Variants in GABRB2 observed in about 807,000 individuals in gnomAD.
GABRB2 encodes gamma-aminobutyric acid receptor subunit beta-2.
A neutral mutation model predicts 54.7 loss-of-function variants in GABRB2; 16 were observed. The observed-to-expected ratio is 0.29, with a 90% CI of 0.20 to 0.44. The LOEUF (loss-of-function observed/expected upper bound fraction) is 0.44. Ranked by LOEUF, GABRB2 falls within the 20% of genes least tolerant of loss-of-function variation. The pLI, the probability that GABRB2 is intolerant of heterozygous loss-of-function variation, is 1.00. For missense variants in GABRB2, 355 were observed against 644.0 expected (o/e 0.55, Z 4.86); for synonymous variants, 244 against 233.8 (o/e 1.04, Z -0.40).
intron 3 of GABRB2, among the ~76,000 whole-genome samples, chr5:161,540,642 T>A (rs899423664): frequency 6.6e-6 from 1 of 151,832 alleles, no homozygotes; most frequent in Non-Finnish European, 1.5e-5. Flanking sequence ...CCTTACTAAT[T>A]GTACTTCTTA....
intron 4 of GABRB2, among the ~76,000 whole-genome samples, chr5:161,443,252 T>A (rs965778132): frequency 6.6e-6 from 1 of 152,220 alleles, no homozygotes; most frequent in Admixed American, 6.5e-5. Flanking sequence ...AAGGATAAAA[T>A]AGCTTTTTGT....
intron 3 of GABRB2, among the ~76,000 whole-genome samples, chr5:161,463,582 T>TAGATATAG (rs1561659580): frequency 8.2e-6 from 1 of 121,800 alleles, no homozygotes; most frequent in Non-Finnish European, 1.8e-5. Flanking sequence ...TATATATATA[T>TAGATATAG]ATATATATAT....
chr5:161,405,330 A>C (rs780841687), intron 5 of GABRB2, among the ~76,000 whole-genome samples: 63 of 152,062 alleles, frequency 4.1e-4, no homozygotes, highest in Non-Finnish European at 7.4e-5. Context: ...ACAGTATTCC[A>C]GCAGTAATTT....
chr5:161,391,968 G>A (rs1755837784), intron 5 of GABRB2, among the ~76,000 whole-genome samples: 1 of 152,186 alleles, frequency 6.6e-6, no homozygotes. Context: ...TGTCTGTGCA[G>A]CACCTCAAGA....
chr5:161,301,912 C>T (rs910253590), intron 9 of GABRB2, among the ~76,000 whole-genome samples: 10 of 152,268 alleles, frequency 6.6e-5, no homozygotes, highest in East Asian at 3.9e-4. Context: ...TCAAGCATGC[C>T]GATGCCAACA....
At position 161,531,395 on chromosome 5, in the gene GABRB2, T is replaced by C. The variant is rs532938606; in HGVS notation, c.237+13832A>G. 2.0e-5 allele frequency among the ~76,000 whole-genome samples: 3 copies of C among 152,304 alleles called. No individual in the cohort carries two copies. The East Asian group carries it at 5.8e-4, about 29-fold the overall frequency. On this transcript the variant is annotated intron_variant, in intron 3 of 9. Coordinates refer to ENST00000393959, the MANE Select transcript of GABRB2 (RefSeq NM_001371727.1). ...GTTTAAAAGCCAGCTGTTCAATTAT[T>C]TAGCCCTTTGTCAATTCAGTTAACT...
intron 4 of GABRB2, among the ~76,000 whole-genome samples, chr5:161,424,531 A>G (rs1461963930): frequency 6.6e-6 from 1 of 152,152 alleles, no homozygotes; most frequent in Non-Finnish European, 1.5e-5. Flanking sequence ...TGTTTACAGC[A>G]TGATTTACTA....
At chr5:161,439,163 A>G (rs1021375463) in intron 4 of GABRB2, among the ~76,000 whole-genome samples, 2 of 152,228 alleles carry the variant, frequency 1.3e-5, no homozygotes, top group African/African-American at 4.8e-5. Context: ...AGAGAAAAAC[A>G]AACAAATAAC....
At chr5:161,412,794 G>A (rs1023056711) in intron 4 of GABRB2, among the ~76,000 whole-genome samples, 1 of 152,196 alleles carries the variant, frequency 6.6e-6, no homozygotes, top group Non-Finnish European at 1.5e-5. Flanking sequence ...TTTTCTGAGA[G>A]TCCCTTTCCA....
chr5:161,411,762 A>G (rs1047272598), intron 4 of GABRB2, among the ~76,000 whole-genome samples: 1 of 151,920 alleles, frequency 6.6e-6, no homozygotes, highest in Non-Finnish European at 1.5e-5. Context: ...ATGATTTTTT[A>G]CTAATCTTTC....
At chr5:161,359,981 T>C (rs1754756817) in intron 5 of GABRB2, among the ~76,000 whole-genome samples, 2 of 151,976 alleles carry the variant, frequency 1.3e-5, no homozygotes, top group African/African-American at 4.8e-5. Flanking sequence ...CTCAGGAAGC[T>C]GAGGCAGGAG....
At chr5:161,360,137 A>G (rs568667491) in intron 5 of GABRB2, among the ~76,000 whole-genome samples, 15 of 152,114 alleles carry the variant, frequency 9.9e-5, no homozygotes, top group Non-Finnish European at 2.1e-4. Flanking sequence ...TACTGAAAAG[A>G]CCTTGCAAAT....
chr5:161,471,327 C>CATATTGGTAATATTGGAAAT, intron 3 of GABRB2, among the ~76,000 whole-genome samples: 1 of 151,978 alleles, frequency 6.6e-6, no homozygotes. Context: ...AATTATAGGT[C>CATATTGGTAATATTGGAAAT]ATGGTAATAT....
At chr5:161,382,173 C>T (rs1003606625) in intron 5 of GABRB2, among the ~76,000 whole-genome samples, 3 of 152,120 alleles carry the variant, frequency 2.0e-5, no homozygotes. Flanking sequence ...GGGAGAAGAA[C>T]CTCTAAGTGG....
At chr5:161,363,813 T>A (rs1019034644) in intron 5 of GABRB2, among the ~76,000 whole-genome samples, 1 of 152,234 alleles carries the variant, frequency 6.6e-6, no homozygotes, top group African/African-American at 2.4e-5. Context: ...AACAGTTAGT[T>A]TCCTGGAAAC....
At chr5:161,485,817 T>A (rs910759071) in intron 3 of GABRB2, among the ~76,000 whole-genome samples, 1 of 151,760 alleles carries the variant, frequency 6.6e-6, no homozygotes, top group Non-Finnish European at 1.5e-5. Context: ...TGGAAAAAAA[T>A]AATCTGTTTT....
At chr5:161,457,015 C>G (rs992415456) in intron 4 of GABRB2, among the ~76,000 whole-genome samples, 7 of 152,158 alleles carry the variant, frequency 4.6e-5, no homozygotes, top group African/African-American at 1.7e-4. Flanking sequence ...GCAAATGAAC[C>G]TCCTTGAGTT....
At chr5:161,410,916 C>A (rs1013665793) in intron 5 of GABRB2, 59 bp downstream of exon 5, 1 of 1,279,776 alleles carries the variant, frequency 7.8e-7, no homozygotes, top group Non-Finnish European at 1.1e-6. Flanking sequence ...GGACTGGAGG[C>A]CTCTGCGTAA....
chr5:161,358,504 G>C (rs984893084), intron 5 of GABRB2, among the ~76,000 whole-genome samples: 1 of 152,208 alleles, frequency 6.6e-6, no homozygotes, highest in African/African-American at 2.4e-5. Context: ...AGAAATAACA[G>C]CATGTTTCTA....
Sources: allele counts gnomAD v4.1 joint callset (sites outside exome capture counted in the v4.1 genomes callset), GRCh38; gene constraint gnomAD v4.1.1; transcripts MANE v1.5; gene names NCBI Gene and HGNC (gene_info 2026-07-23, HGNC 2026-07-21).